BRINP1: variants seen among roughly 807,000 people sequenced by gnomAD.
BRINP1 encodes the protein BMP/retinoic acid inducible neural specific 1.
BRINP1 carries 17 observed loss-of-function variants against 72.9 expected under a neutral mutation model. The ratio of observed to expected loss-of-function variants is 0.23; its 90% CI spans 0.16 to 0.35. The LOEUF (loss-of-function observed/expected upper bound fraction) is 0.35. Among genes scored for constraint, BRINP1 ranks in the 10% least tolerant of loss-of-function variants. BRINP1 has a pLI of 1.00. For missense variants in BRINP1, 850 were observed against 1,001.6 expected (o/e 0.85, Z 2.04); for synonymous variants, 418 against 378.5 (o/e 1.10, Z -1.21).
In BRINP1 at chr9:119,249,818, G is replaced by GGAAGGAAGGAAA. The variant is rs1830359427; in HGVS notation, c.219-669_219-668insTTTCCTTCCTTC. On this transcript the variant is annotated intron_variant, in intron 2 of 7. Transcript: ENST00000265922. The stretch of plus-strand genomic sequence containing the variant: ...GAAATAAACAAATGGAAGGAAGGAA[G>GGAAGGAAGGAAA]GAAGGAAGGAAGGAAGGAAGGAAGG... 6.6e-4 allele frequency among the ~76,000 whole-genome samples: 28 copies of GGAAGGAAGGAAA among 42,720 alleles called. 1 individual carries two copies. Among genetic ancestry groups the GGAAGGAAGGAAA allele is most frequent in the Admixed American group, 4.7e-3 (28 of 5,978 alleles). The allele number at this position is 42,720 out of a possible 152,430, so 28.0% of individuals were successfully genotyped here.
chr9:119,180,479 ATGTGTGTGTGTGTGTGTG>A (rs112009324), intron 7 of BRINP1, among the ~76,000 whole-genome samples: 29 of 132,314 alleles, frequency 2.2e-4, no homozygotes, highest in African/African-American at 7.0e-4. Flanking sequence ...CTCTCTGTGC[ATGTGTGTGTGTGTGTGTG>A]TGTGTGTGTG....
At chr9:119,307,326 ATT>A (rs1403853810) in intron 2 of BRINP1, among the ~76,000 whole-genome samples, 1 of 152,154 alleles carries the variant, frequency 6.6e-6, no homozygotes, top group Non-Finnish European at 1.5e-5. Context: ...AAGCATTAGT[ATT>A]TTTAACTCTG....
At chr9:119,239,039 A>G (rs1382151436) in intron 4 of BRINP1, among the ~76,000 whole-genome samples, 1 of 152,218 alleles carries the variant, frequency 6.6e-6, no homozygotes, top group African/African-American at 2.4e-5. Flanking sequence ...TTAGAAGTTG[A>G]CACATTATAT....
At chr9:119,273,501 G>A (rs1183955044) in intron 2 of BRINP1, among the ~76,000 whole-genome samples, 1 of 152,140 alleles carries the variant, frequency 6.6e-6, no homozygotes, top group Non-Finnish European at 1.5e-5. Flanking sequence ...CGTGAGCAAG[G>A]CAGGGAGGCT....
At chr9:119,183,906 C>T (rs373951178) in intron 7 of BRINP1, among the ~76,000 whole-genome samples, 6 of 151,986 alleles carry the variant, frequency 3.9e-5, no homozygotes, top group Non-Finnish European at 1.5e-5. Context: ...CTCACCCATG[C>T]GTGAGTTTGT....
intron 1 of BRINP1, among the ~76,000 whole-genome samples, chr9:119,338,506 C>T (rs1831372880): frequency 6.7e-6 from 1 of 149,012 alleles, no homozygotes; most frequent in East Asian, 2.0e-4. Context: ...CAGTCACTTC[C>T]GGTTTCTGGA....
At chr9:119,221,758 C>T (rs1172175839) in intron 5 of BRINP1, among the ~76,000 whole-genome samples, 1 of 152,086 alleles carries the variant, frequency 6.6e-6, no homozygotes, top group African/African-American at 2.4e-5. Context: ...GTGAAAGATA[C>T]AGGTATATGG....
intron 1 of BRINP1, among the ~76,000 whole-genome samples, chr9:119,317,941 G>A (rs892572904): frequency 6.6e-6 from 1 of 152,188 alleles, no homozygotes; most frequent in African/African-American, 2.4e-5. Flanking sequence ...ATAGGCTACA[G>A]GATACTGTAA....
At chr9:119,293,084 T>G (rs930144742) in intron 2 of BRINP1, among the ~76,000 whole-genome samples, 1 of 152,192 alleles carries the variant, frequency 6.6e-6, no homozygotes, top group African/African-American at 2.4e-5. Context: ...CATTCTGGAC[T>G]GAAGTTTCCT....
rs557929677 is a variant in BRINP1 at position 119,213,999 on chromosome 9, G to A, written c.842C>T (p.Thr281Met). ...CGTGTACTCCATGATCTGGATGTCC[G>A]TGATGGGGCAGTTGCACTGCGGAAA... is the stretch of plus-strand genomic sequence containing the variant. Reference protein sequence around the residue: ...EEFPQCNCPITDIQIMEYTLA... With the variant: ...EEFPQCNCPIMDIQIMEYTLA... The change falls in exon 6 of 8, where the codon ACG becomes ATG. Residue 281 changes from threonine to methionine, a missense_variant. Physicochemically the swap from Thr to Met is moderately conservative, Grantham distance 81. Coordinates refer to ENST00000265922, the MANE Select transcript of BRINP1 (RefSeq NM_014618.3). The A allele has an allele frequency of 3.1e-5, 50 of 1,614,146 alleles. No individual in the cohort carries two copies. Among genetic ancestry groups the A allele is most frequent in the African/African-American group, 9.3e-5 (7 of 75,010 alleles).
At chr9:119,249,840 AAGGAAGGAAGGAAGGGAGGG>A (rs1434867103) in intron 2 of BRINP1, among the ~76,000 whole-genome samples, 14 of 70,012 alleles carry the variant, frequency 2.0e-4, no homozygotes, top group Admixed American at 1.2e-3. Context: ...GGAAGGAAGG[AAGGAAGGAAGGAAGGGAGGG>A]AGGGAGGGAG....
At chr9:119,367,193 ATG>A (rs10656214) in intron 1 of BRINP1, among the ~76,000 whole-genome samples, 2,413 of 111,470 alleles carry the variant, frequency 0.022, 52 homozygotes, top group Non-Finnish European at 0.03. Flanking sequence ...ATATGAACAC[ATG>A]TGTGTGTGTG....
At chr9:119,269,855 A>G (rs1830590627) in intron 2 of BRINP1, among the ~76,000 whole-genome samples, 1 of 33,692 alleles carries the variant, frequency 3.0e-5, no homozygotes, top group African/African-American at 5.8e-5. Flanking sequence ...CTTGAGATAC[A>G]TTAATAAAAA....
chr9:119,196,256 ACCCTGGACACAAGG>A (rs1228726887), intron 7 of BRINP1, among the ~76,000 whole-genome samples: 1 of 152,002 alleles, frequency 6.6e-6, no homozygotes, highest in African/African-American at 2.4e-5. Flanking sequence ...TGAATCAAAA[ACCCTGGACACAAGG>A]CCCAGTAATC....
At chr9:119,216,975 T>C (rs961350524) in intron 5 of BRINP1, among the ~76,000 whole-genome samples, 1 of 152,206 alleles carries the variant, frequency 6.6e-6, no homozygotes, top group Non-Finnish European at 1.5e-5. Context: ...CCGAGCTGTC[T>C]TGGAGGCAGA....
intron 2 of BRINP1, among the ~76,000 whole-genome samples, chr9:119,269,269 G>A (rs762544363): frequency 1.3e-5 from 2 of 152,150 alleles, no homozygotes; most frequent in African/African-American, 2.4e-5. Flanking sequence ...CAAACACTGT[G>A]AAATTATCAA....
chr9:119,314,897 A>G (rs952873603), intron 1 of BRINP1, among the ~76,000 whole-genome samples: 1 of 152,188 alleles, frequency 6.6e-6, no homozygotes, highest in African/African-American at 2.4e-5. Context: ...GTCACGTATC[A>G]TGATGAGGAT....
At chr9:119,228,048 C>T (rs571975397) in intron 5 of BRINP1, among the ~76,000 whole-genome samples, 15 of 152,064 alleles carry the variant, frequency 9.9e-5, no homozygotes, top group East Asian at 3.9e-4. Flanking sequence ...CCATCTGTGA[C>T]GTCTAGCTAC....
At chr9:119,193,805 C>A (rs1037917218) in intron 7 of BRINP1, among the ~76,000 whole-genome samples, 1 of 152,202 alleles carries the variant, frequency 6.6e-6, no homozygotes, top group Non-Finnish European at 1.5e-5. Context: ...CCCGTAAAGA[C>A]AACAGGTCTA....
Sources: allele counts gnomAD v4.1 joint callset (sites outside exome capture counted in the v4.1 genomes callset), GRCh38; gene constraint gnomAD v4.1.1; transcripts MANE v1.5; gene names NCBI Gene and HGNC (gene_info 2026-07-23, HGNC 2026-07-21).